Variants in LSAMP observed in about 807,000 individuals in gnomAD.
The protein encoded by LSAMP is limbic system-associated membrane protein.
LSAMP carries 7 observed loss-of-function variants against 38.6 expected under a neutral mutation model. The observed-to-expected ratio is 0.18, with a 90% CI of 0.10 to 0.34. The LOEUF is 0.34. Ranked by LOEUF, LSAMP falls within the 10% of genes least tolerant of loss-of-function variation. The pLI, the probability that LSAMP is intolerant of heterozygous loss-of-function variation, is 1.00. For missense variants in LSAMP, 313 were observed against 420.0 expected, an observed-to-expected ratio of 0.75 and a Z score of 2.23; for synonymous variants, 154 against 166.8, an observed-to-expected ratio of 0.92 and a Z score of 0.59.
chr3:115,972,478 T>A (rs1050268377), intron 3 of LSAMP, among the ~76,000 whole-genome samples: 1 of 151,768 alleles, frequency 6.6e-6, no homozygotes, highest in African/African-American at 2.4e-5. Flanking sequence ...TTAAAATATT[T>A]AAAATTTTTA....
At chr3:116,122,199 T>G (rs543228114) in intron 1 of LSAMP, among the ~76,000 whole-genome samples, 2 of 152,362 alleles carry the variant, frequency 1.3e-5, no homozygotes, top group African/African-American at 4.8e-5. Context: ...ATATATTTAA[T>G]AAGCTGGTAA....
intron 3 of LSAMP, among the ~76,000 whole-genome samples, chr3:116,010,204 A>G (rs1195951246): frequency 1.3e-5 from 2 of 152,240 alleles, no homozygotes; most frequent in Admixed American, 6.5e-5. Flanking sequence ...GGCATGAGCC[A>G]CTGTACCCAG....
At chr3:115,905,560 A>G (rs554240220) in intron 3 of LSAMP, among the ~76,000 whole-genome samples, 3 of 152,222 alleles carry the variant, frequency 2.0e-5, no homozygotes, top group African/African-American at 4.8e-5. Context: ...AATTTTTAAT[A>G]TTTGGCCTTT....
intron 4 of LSAMP, among the ~76,000 whole-genome samples, chr3:115,851,337 T>C (rs1488655178): frequency 1.3e-5 from 2 of 152,178 alleles, no homozygotes; most frequent in Non-Finnish European, 1.5e-5. Flanking sequence ...GTCCTTATCT[T>C]CCTCCTGAGA....
chr3:116,266,023 T>G (rs959759459), intron 1 of LSAMP, among the ~76,000 whole-genome samples: 2 of 152,188 alleles, frequency 1.3e-5, no homozygotes, highest in African/African-American at 4.8e-5. Flanking sequence ...CTTGACTTTT[T>G]TTTAACAGAA....
chr3:115,955,924 G>T (rs2107585526), intron 3 of LSAMP, among the ~76,000 whole-genome samples: 1 of 152,212 alleles, frequency 6.6e-6, no homozygotes, highest in East Asian at 1.9e-4. Flanking sequence ...AACTCCCAAA[G>T]CCCTCATTAG....
chr3:116,393,055 C>G (rs1021473736), intron 1 of LSAMP, among the ~76,000 whole-genome samples: 4 of 152,150 alleles, frequency 2.6e-5, no homozygotes, highest in Non-Finnish European at 5.9e-5. Flanking sequence ...TCATCTTGCT[C>G]ACCCTCCACT....
intron 2 of LSAMP, among the ~76,000 whole-genome samples, chr3:116,022,406 C>A (rs997521532): frequency 2.0e-5 from 3 of 152,156 alleles, no homozygotes; most frequent in Admixed American, 1.3e-4. Flanking sequence ...CACACCTCAA[C>A]CTTCAGTGCA....
chr3:116,218,546 A>G (rs565005067), intron 1 of LSAMP, among the ~76,000 whole-genome samples: 41 of 152,258 alleles, frequency 2.7e-4, no homozygotes, highest in African/African-American at 9.4e-4. Flanking sequence ...AACATTGATG[A>G]CTTCTTTGTG....
intron 1 of LSAMP, among the ~76,000 whole-genome samples, chr3:116,152,322 A>G (rs1709631260): frequency 6.6e-6 from 1 of 152,078 alleles, no homozygotes; most frequent in African/African-American, 2.4e-5. Context: ...AATCACCTAA[A>G]ATTTATCTGC....
intron 1 of LSAMP, among the ~76,000 whole-genome samples, chr3:116,160,619 G>A (rs78799467): frequency 0.033 from 4,993 of 152,094 alleles, 209 homozygotes; most frequent in African/African-American, 0.099. Context: ...CCTGTGACAT[G>A]CAATTTACTC....
chr3:116,289,080 T>C (rs79607753), intron 1 of LSAMP, among the ~76,000 whole-genome samples: 1 of 152,154 alleles, frequency 6.6e-6, no homozygotes, highest in Non-Finnish European at 1.5e-5. Context: ...TGTTTATTTA[T>C]CATGTTTTAT....
chr3:116,209,056 C>T (rs2046113162), intron 1 of LSAMP, among the ~76,000 whole-genome samples: 1 of 152,198 alleles, frequency 6.6e-6, no homozygotes, highest in African/African-American at 2.4e-5. Context: ...AGCGAGACTC[C>T]TTGGGGGTAG....
intron 1 of LSAMP, among the ~76,000 whole-genome samples, chr3:116,351,215 G>A (rs1036292874): frequency 3.9e-5 from 6 of 151,936 alleles, no homozygotes; most frequent in Non-Finnish European, 7.4e-5. Context: ...TGAGAGTGAA[G>A]GCAGTGCACC....
At chr3:116,140,435 A>T (rs1450199860) in intron 1 of LSAMP, among the ~76,000 whole-genome samples, 1 of 151,992 alleles carries the variant, frequency 6.6e-6, no homozygotes, top group Non-Finnish European at 1.5e-5. Flanking sequence ...TTTCATGATT[A>T]CAATTATTTA....
At chr3:116,378,988 AAC>A (rs3028640) in intron 1 of LSAMP, among the ~76,000 whole-genome samples, 23,234 of 136,738 alleles carry the variant, frequency 0.17, 1,849 homozygotes, top group Middle Eastern at 0.21. Flanking sequence ...AATTGCTCAG[AAC>A]ACACACACAC....
chr3:115,959,194 A>G (rs138411899), intron 3 of LSAMP, among the ~76,000 whole-genome samples: 1 of 152,160 alleles, frequency 6.6e-6, no homozygotes, highest in Admixed American at 6.5e-5. Flanking sequence ...CCTTCAGTAC[A>G]TTGGGCAAGT....
At chr3:116,324,929 T>C (rs1285156609) in intron 1 of LSAMP, among the ~76,000 whole-genome samples, 1 of 152,084 alleles carries the variant, frequency 6.6e-6, no homozygotes, top group Non-Finnish European at 1.5e-5. Context: ...ATATGACTTC[T>C]ATTGCCGTCC....
At chr3:116,169,958 C>T (rs1710156563) in intron 1 of LSAMP, among the ~76,000 whole-genome samples, 2 of 152,120 alleles carry the variant, frequency 1.3e-5, no homozygotes, top group Non-Finnish European at 2.9e-5. Context: ...GTGATGGGCA[C>T]TAACAATTTC....
Sources: gnomAD v4.1 joint callset for allele counts (sites outside exome capture counted in the v4.1 genomes callset) on GRCh38, gnomAD v4.1.1 for gene constraint, MANE v1.5 for transcripts, NCBI Gene and HGNC (gene_info 2026-07-23, HGNC 2026-07-21) for gene names.